The following NHSL2 variants were observed in gnomAD, a reference collection of about 807,000 sequenced individuals.
NHSL2 encodes NHS-like protein 2.
In NHSL2, 27 loss-of-function variants were observed where a neutral mutation model predicts 53.4. The observed-to-expected ratio is 0.51, with a 90% CI of 0.37 to 0.70. The LOEUF (loss-of-function observed/expected upper bound fraction) is 0.70, where lower values mean the gene tolerates loss of function less well. NHSL2 is among the 30% of genes least tolerant of loss of function. NHSL2 has a pLI of 0.00. For synonymous variants in NHSL2, 408 were observed against 404.1 expected, an observed-to-expected ratio of 1.01 and a Z score of -0.12; for missense variants, 892 against 980.1, an observed-to-expected ratio of 0.91 and a Z score of 1.20.
At chrX:71,951,760 C>T (rs940499989) in intron 1 of NHSL2, among the ~76,000 whole-genome samples, 2 of 112,175 alleles carry the variant, frequency 1.8e-5, no homozygotes, top group African/African-American at 6.5e-5. Context: ...TTAAAGAATG[C>T]TTTGTTGTGC....
intron 1 of NHSL2, among the ~76,000 whole-genome samples, chrX:72,088,001 C>T (rs1286954640): frequency 9.2e-6 from 1 of 108,600 alleles, no homozygotes; most frequent in Non-Finnish European, 1.9e-5. Flanking sequence ...GAGGCCGAGG[C>T]GGGCTGCTCA....
rs933798532 is a variant in NHSL2 at position 72,143,244 on chromosome X, C to G, written c.3357-9C>G. On this transcript the variant is annotated splice_polypyrimidine_tract_variant and intron_variant, in intron 7 of 7. Transcript: ENST00000633930. ...TTAACTCACTCAGACCAAACTTTCT[C>G]TTATCTAGGTCCAAAAGGAAGCTGC... is the stretch of plus-strand genomic sequence containing the variant. The G allele has an allele frequency of 1.8e-6, 2 of 1,138,045 alleles. No individual in the cohort carries two copies. The highest frequency in any genetic ancestry group is 1.2e-6 in the Non-Finnish European group (1 of 856,726). 93.8% of individuals were successfully genotyped at this position (1,138,045 alleles called of 1,213,427 possible).
intron 1 of NHSL2, among the ~76,000 whole-genome samples, chrX:71,912,619 G>A (rs1313154694): frequency 1.8e-5 from 2 of 111,076 alleles, no homozygotes; most frequent in African/African-American, 6.6e-5. Context: ...AGAGGTCTCT[G>A]GTGGAGATAA....
intron 1 of NHSL2, among the ~76,000 whole-genome samples, chrX:71,955,283 T>A (rs1213027340): frequency 8.9e-6 from 1 of 111,848 alleles, no homozygotes; most frequent in Non-Finnish European, 1.9e-5. Context: ...TGAGATTGAA[T>A]GCTATGAAAA....
At chrX:72,038,653 A>G (rs1409733228) in intron 1 of NHSL2, among the ~76,000 whole-genome samples, 1 of 112,539 alleles carries the variant, frequency 8.9e-6, no homozygotes, top group Non-Finnish European at 1.9e-5. Context: ...CTGTGCATAC[A>G]TGTTCTGCAA....
chrX:72,066,633 C>T (rs1219142801), intron 1 of NHSL2, among the ~76,000 whole-genome samples: 1 of 111,551 alleles, frequency 9.0e-6, no homozygotes, highest in Non-Finnish European at 1.9e-5. Context: ...GGAGGGGTTC[C>T]GCGTCTGCTC....
At chrX:72,048,791 G>A (rs1258357557) in intron 1 of NHSL2, among the ~76,000 whole-genome samples, 2 of 109,130 alleles carry the variant, frequency 1.8e-5, no homozygotes, top group African/African-American at 6.8e-5. Flanking sequence ...TGAAGCAGTC[G>A]AAATGTTCCT....
intron 1 of NHSL2, among the ~76,000 whole-genome samples, chrX:72,067,233 G>C (rs962709620): frequency 1.8e-5 from 2 of 111,607 alleles, no homozygotes; most frequent in African/African-American, 3.3e-5. Flanking sequence ...GGGTACACAA[G>C]TGTGTCCAGG....
At chrX:71,959,493 G>A (rs780369734) in intron 1 of NHSL2, among the ~76,000 whole-genome samples, 2 of 111,966 alleles carry the variant, frequency 1.8e-5, no homozygotes, top group Non-Finnish European at 3.8e-5. Context: ...CATTTAAAGT[G>A]TACAATTTAA....
At chrX:71,915,980 T>C (rs1287264640) in intron 1 of NHSL2, among the ~76,000 whole-genome samples, 1 of 111,991 alleles carries the variant, frequency 8.9e-6, no homozygotes, top group Non-Finnish European at 1.9e-5. Context: ...ATAGAGAATA[T>C]AGAGAATAGG....
At chrX:72,066,505 A>C (rs142337541) in intron 1 of NHSL2, among the ~76,000 whole-genome samples, 1,501 of 111,316 alleles carry the variant, frequency 0.013, 22 homozygotes, top group African/African-American at 0.046. Context: ...CAGGGGCCAC[A>C]ATGGGGCTTA....
chrX:72,123,130 G>C (rs1481281073), intron 1 of NHSL2, among the ~76,000 whole-genome samples: 1 of 111,976 alleles, frequency 8.9e-6, no homozygotes, highest in African/African-American at 3.3e-5. Context: ...TTGCCAGTTG[G>C]AGTGAGGCCA....
intron 6 of NHSL2, among the ~76,000 whole-genome samples, chrX:72,141,908 T>A (rs1049738398): frequency 1.8e-5 from 2 of 111,134 alleles, no homozygotes; most frequent in Middle Eastern, 8.4e-3. Context: ...TGGGTGGGAG[T>A]CACTAGTTTA....
In NHSL2 at chrX:72,139,052, C is replaced by T. The variant is rs1482785479; in HGVS notation, c.1504C>T (p.Pro502Ser). The change falls in exon 6 of 8, where the codon CCC (proline) becomes TCC (serine). Residue 502 changes from proline (P) to serine (S), a missense_variant. Transcript: ENST00000633930. ...ATTCCGGGAGCGGTCACTGTCTGTG[C>T]CCACAGACTCAGGCACCACAGATGT... ...SRFRERSLSV[P>S]TDSGTTDVDY... 1 of 1,169,276 alleles carries T rather than the reference C, an allele frequency of 8.6e-7. No homozygotes were observed. Among genetic ancestry groups the T allele is most frequent in the Non-Finnish European group, 1.1e-6 (1 of 874,233 alleles).
intron 1 of NHSL2, among the ~76,000 whole-genome samples, chrX:72,050,762 G>A (rs1320272962): frequency 9.1e-6 from 1 of 110,348 alleles, no homozygotes; most frequent in Non-Finnish European, 1.9e-5. Flanking sequence ...GGTGTCACAC[G>A]CCTGTAATCC....
chrX:71,942,776 G>A (rs776240488), intron 1 of NHSL2, among the ~76,000 whole-genome samples: 1 of 110,539 alleles, frequency 9.0e-6, no homozygotes, highest in African/African-American at 3.3e-5. Context: ...ACCAAATGAC[G>A]TTCCCTTTTC....
chrX:72,055,091 T>C (rs987334820), intron 1 of NHSL2, among the ~76,000 whole-genome samples: 8 of 111,673 alleles, frequency 7.2e-5, no homozygotes, highest in African/African-American at 2.6e-4. Flanking sequence ...TAACTTCAAG[T>C]ATTGGAGGCT....
chrX:71,931,021 G>A lies in NHSL2; in HGVS notation c.280+19654G>A, dbSNP rs762804292. On this transcript the variant is annotated intron_variant, in intron 1 of 7. Transcript: ENST00000633930. ...ACCATTTGATATTCCCATCAGCAAT[G>A]TACAAGGGTTCCAATTTCTCTGCAT... Among the ~76,000 whole-genome samples the A allele has an allele frequency of 4.5e-5, 5 of 112,300 alleles. No homozygotes were observed. In the South Asian group the frequency reaches 1.8e-3, roughly 41 times the overall value.
rs1427007657 is a variant in NHSL2 at position 71,955,078 on chromosome X, C to T, written c.280+43711C>T. Among the ~76,000 whole-genome samples, 4 of 111,933 alleles carry T rather than the reference C, an allele frequency of 3.6e-5. No homozygotes were observed. In the East Asian group the frequency reaches 1.1e-3, roughly 31 times the overall value. On this transcript the variant is annotated intron_variant, in intron 1 of 7. Transcript: ENST00000633930. ...GCCAGAATACCCACCATGCCCTAAA[C>T]GCTCCTGGCTTTCTGGCCTCCTTGT... is the stretch of plus-strand genomic sequence containing the variant.
Sources: allele counts gnomAD v4.1 joint callset (sites outside exome capture counted in the v4.1 genomes callset), GRCh38; gene constraint gnomAD v4.1.1; transcripts MANE v1.5; gene names NCBI Gene and HGNC (gene_info 2026-07-23, HGNC 2026-07-21).